Variants in STK3 observed in about 807,000 individuals in gnomAD.
STK3 encodes the protein serine/threonine-protein kinase 3.
Under a neutral mutation model 58.0 loss-of-function variants are expected in STK3, and 41 were observed. That is an observed-to-expected ratio of 0.71 (90% CI 0.55 to 0.92). STK3 has a LOEUF of 0.92. STK3 is among the 40% of genes least tolerant of loss of function. The pLI is 0.00. For missense variants in STK3, 479 were observed against 602.7 expected (o/e 0.79, Z 2.15); for synonymous variants, 170 against 191.0 (o/e 0.89, Z 0.91).
At chr8:98,891,536 A>G (rs948867148) in intron 1 of STK3, among the ~76,000 whole-genome samples, 1 of 152,136 alleles carries the variant, frequency 6.6e-6, no homozygotes, top group African/African-American at 2.4e-5. Context: ...CATAGCAGGG[A>G]TTGCAATTTA....
At chr8:98,437,088 G>C (rs1408373217) in intron 2 of STK3, 3 of 152,236 alleles carry the variant, frequency 2.0e-5, no homozygotes, top group African/African-American at 7.2e-5. Context: ...TCTCTTTCCA[G>C]TGTCTTAGAC....
chr8:98,711,469 G>A (rs920208567), intron 4 of STK3, among the ~76,000 whole-genome samples: 11 of 152,132 alleles, frequency 7.2e-5, no homozygotes, highest in Admixed American at 3.3e-4. Flanking sequence ...ACCAAGGCAC[G>A]AGAACTACGT....
chr8:98,456,760 C>T (rs1452632786), intron 10 of STK3, among the ~76,000 whole-genome samples: 1 of 152,216 alleles, frequency 6.6e-6, no homozygotes, highest in Non-Finnish European at 1.5e-5. Context: ...ATAAAACTTG[C>T]AACTTACTTT....
chr8:98,823,350 A>G (rs1835032074), intron 1 of STK3, among the ~76,000 whole-genome samples: 1 of 152,234 alleles, frequency 6.6e-6, no homozygotes, highest in African/African-American at 2.4e-5. Flanking sequence ...TGGCACTTTT[A>G]TAAGGATTAA....
downstream of STK3, among the ~76,000 whole-genome samples, chr8:98,450,411 C>T (rs1393233569): frequency 6.6e-6 from 1 of 152,190 alleles, no homozygotes; most frequent in African/African-American, 2.4e-5. Flanking sequence ...AACATTTGAT[C>T]TTCCCAATTG....
chr8:98,614,792 T>G (rs971287068), intron 6 of STK3, among the ~76,000 whole-genome samples: 5 of 152,084 alleles, frequency 3.3e-5, no homozygotes, highest in Non-Finnish European at 5.9e-5. Flanking sequence ...ATCCCACACC[T>G]GGCTTGGAGG....
At chr8:98,632,798 C>T (rs1819357231) in intron 6 of STK3, among the ~76,000 whole-genome samples, 1 of 152,116 alleles carries the variant, frequency 6.6e-6, no homozygotes, top group African/African-American at 2.4e-5. Flanking sequence ...TAGTGCCTCA[C>T]CCACAGCTGA....
intron 6 of STK3, among the ~76,000 whole-genome samples, chr8:98,655,181 C>T (rs1821381812): frequency 1.3e-5 from 2 of 152,022 alleles, no homozygotes; most frequent in African/African-American, 4.8e-5. Context: ...AATAACGCCG[C>T]ATACCTACAA....
rs140371090 is a variant in STK3, at chr8:98,709,095, C to T, written c.352-1784G>A. 1.1e-4 allele frequency among the ~76,000 whole-genome samples: 16 copies of T among 152,116 alleles called. No homozygotes were observed. In the East Asian group the frequency reaches 2.7e-3, roughly 26 times the overall value. ...ATCAATCATGCCTATGTAACAGAAT[C>T]AACCATAAAAATTCTAAATGATTAG... is the stretch of plus-strand genomic sequence containing the variant. On this transcript the variant is annotated intron_variant, in intron 4 of 10. Coordinates refer to ENST00000419617, the MANE Select transcript of STK3 (RefSeq NM_006281.4).
At chr8:98,697,309 C>G (rs1451391816) in intron 6 of STK3, among the ~76,000 whole-genome samples, 3 of 152,164 alleles carry the variant, frequency 2.0e-5, no homozygotes, top group Non-Finnish European at 4.4e-5. Flanking sequence ...AGAAAACCAG[C>G]TCCTGGATTC....
downstream of STK3, chr8:98,880,506 G>A (rs1296471651): frequency 1.3e-5 from 2 of 152,118 alleles, no homozygotes; most frequent in East Asian, 1.9e-4. Flanking sequence ...AAAAGGCATA[G>A]TATTCTTCTG....
intron 1 of STK3, among the ~76,000 whole-genome samples, chr8:98,804,341 T>C (rs1833776048): frequency 6.6e-6 from 1 of 152,208 alleles, no homozygotes; most frequent in Non-Finnish European, 1.5e-5. Flanking sequence ...AACAATCTTT[T>C]TGGTAGTTAC....
downstream of STK3, among the ~76,000 whole-genome samples, chr8:98,401,096 G>A (rs997311105): frequency 3.3e-5 from 5 of 152,098 alleles, no homozygotes; most frequent in African/African-American, 1.2e-4. Flanking sequence ...TCTCTCTCGG[G>A]ACACATGCCT....
chr8:98,395,889 T>A lies in STK3; in HGVS notation n.428-7642A>T, dbSNP rs116635714. Among the ~76,000 whole-genome samples, 1,086 of 152,332 alleles carry A rather than the reference T, an allele frequency of 7.1e-3. 16 individuals carry two copies. Among genetic ancestry groups the A allele is most frequent in the African/African-American group, 0.025 (1,036 of 41,574 alleles). ...TGAAACAGATGATTCTAAGAGATGA[T>A]TCTAGGGCATTTTCTCTTTCTTGAC... On this transcript the variant is annotated intron_variant and non_coding_transcript_variant, in intron 3 of 5. Transcript: ENST00000649151.
chr8:98,379,443 G>C (rs1417174969), intron 1 of STK3, among the ~76,000 whole-genome samples: 1 of 152,138 alleles, frequency 6.6e-6, no homozygotes, highest in Non-Finnish European at 1.5e-5. Context: ...GTTCTTTATT[G>C]TTACTTCAAA....
At chr8:98,751,589 C>T (rs1350959070) in intron 3 of STK3, among the ~76,000 whole-genome samples, 2 of 152,262 alleles carry the variant, frequency 1.3e-5, no homozygotes, top group Non-Finnish European at 2.9e-5. Context: ...CAAAACACTG[C>T]TCAAAGAAAT....
At chr8:98,406,707 C>T (rs528281703) in intron 3 of STK3, among the ~76,000 whole-genome samples, 60 of 152,276 alleles carry the variant, frequency 3.9e-4, no homozygotes, top group Middle Eastern at 3.4e-3. Context: ...AACTCTAATC[C>T]CTTATCTGCG....
intron 6 of STK3, among the ~76,000 whole-genome samples, chr8:98,639,836 C>G (rs949788206): frequency 6.6e-6 from 1 of 152,024 alleles, no homozygotes; most frequent in Non-Finnish European, 1.5e-5. Flanking sequence ...CCTGGCCAGG[C>G]GCGGTGGCTC....
downstream of STK3, among the ~76,000 whole-genome samples, chr8:98,370,849 T>G (rs1817602708): frequency 6.6e-6 from 1 of 152,226 alleles, no homozygotes; most frequent in Non-Finnish European, 1.5e-5. Flanking sequence ...TGGATGATCT[T>G]TGGTTGTTTT....
Sources: gnomAD v4.1 joint callset for allele counts (sites outside exome capture counted in the v4.1 genomes callset) on GRCh38, gnomAD v4.1.1 for gene constraint, MANE v1.5 for transcripts, NCBI Gene and HGNC (gene_info 2026-07-23, HGNC 2026-07-21) for gene names.